LDLRAD3: variants seen among roughly 807,000 people sequenced by gnomAD.
LDLRAD3 encodes the protein low density lipoprotein receptor class A domain containing 3.
In LDLRAD3, 20 loss-of-function variants were observed where a neutral mutation model predicts 29.4. The observed-to-expected ratio is 0.68, with a 90% CI of 0.48 to 0.99. The LOEUF (loss-of-function observed/expected upper bound fraction) is 0.99, where lower values mean the gene tolerates loss of function less well. Among genes scored for constraint, LDLRAD3 ranks in the 50% least tolerant of loss-of-function variants. The pLI, the probability that LDLRAD3 is intolerant of heterozygous loss-of-function variation, is 0.00. For synonymous variants in LDLRAD3, 157 were observed against 192.7 expected, an observed-to-expected ratio of 0.81 and a Z score of 1.53; for missense variants, 420 against 454.3, an observed-to-expected ratio of 0.92 and a Z score of 0.69.
chr11:35,977,500 C>T (rs1324278625), intron 1 of LDLRAD3, among the ~76,000 whole-genome samples: 2 of 152,124 alleles, frequency 1.3e-5, no homozygotes, highest in African/African-American at 4.8e-5. Context: ...CAGAATTTTA[C>T]TTCTGAAAAC....
In LDLRAD3 at chr11:36,161,530, A is replaced by G. The variant is rs532824494; in HGVS notation, c.454+63069A>G. 3.9e-5 allele frequency among the ~76,000 whole-genome samples: 6 copies of G among 152,302 alleles called. No homozygotes were observed. The South Asian group carries it at 6.2e-4, about 16-fold the overall frequency. ...GTTTATAAATGTGGGGGAAACAGAT[A>G]AAAATCCCTACCCTTGTGGAGTCTA... On this transcript the variant is annotated intron_variant, in intron 4 of 5. Transcript: ENST00000315571.
At chr11:36,009,600 A>T (rs971118442) in intron 1 of LDLRAD3, among the ~76,000 whole-genome samples, 2 of 152,192 alleles carry the variant, frequency 1.3e-5, no homozygotes, top group Non-Finnish European at 2.9e-5. Flanking sequence ...TCCCACCTCC[A>T]CTATAATCAC....
At chr11:36,175,534 A>G (rs73437275) in intron 4 of LDLRAD3, among the ~76,000 whole-genome samples, 2,531 of 152,236 alleles carry the variant, frequency 0.017, 68 homozygotes, top group African/African-American at 0.055. Flanking sequence ...AGTTCAAGGA[A>G]TTTTAATTTC....
chr11:36,229,060 C>G (rs1855537347), intron 5 of LDLRAD3, 100 bp from the exon 6 acceptor site: 2 of 791,422 alleles, frequency 2.5e-6, no homozygotes, highest in South Asian at 3.2e-5. Flanking sequence ...ACTGGAAACA[C>G]TGTCTCAGAA....
intron 5 of LDLRAD3, among the ~76,000 whole-genome samples, chr11:36,228,694 G>A (rs1052436318): frequency 2.0e-5 from 3 of 152,194 alleles, no homozygotes; most frequent in Admixed American, 6.5e-5. Context: ...CCCTTCTGCC[G>A]ATACAGACCG....
intron 1 of LDLRAD3, among the ~76,000 whole-genome samples, chr11:35,956,267 G>A (rs918128831): frequency 1.8e-4 from 28 of 152,186 alleles, no homozygotes; most frequent in African/African-American, 9.6e-5. Flanking sequence ...CAGGAGGATC[G>A]CTTGAGGCCA....
intron 4 of LDLRAD3, among the ~76,000 whole-genome samples, chr11:36,123,884 C>T (rs1026975756): frequency 3.3e-5 from 5 of 152,218 alleles, no homozygotes; most frequent in African/African-American, 1.2e-4. Context: ...GAGTCTGCCT[C>T]CGCCTCATTA....
intron 1 of LDLRAD3, among the ~76,000 whole-genome samples, chr11:36,010,872 C>A (rs1028960358): frequency 6.6e-6 from 1 of 152,036 alleles, no homozygotes; most frequent in Non-Finnish European, 1.5e-5. Context: ...ATGGTGCGAT[C>A]TTGGCTCACT....
At chr11:35,945,335 G>A (rs1224571892) in intron 1 of LDLRAD3, among the ~76,000 whole-genome samples, 3 of 152,154 alleles carry the variant, frequency 2.0e-5, no homozygotes, top group Non-Finnish European at 2.9e-5. Flanking sequence ...GATGTCCCTG[G>A]TCCTGGGCAT....
chr11:35,955,112 G>T (rs1851185204), intron 1 of LDLRAD3, among the ~76,000 whole-genome samples: 1 of 152,048 alleles, frequency 6.6e-6, no homozygotes, highest in Non-Finnish European at 1.5e-5. Context: ...GGGCATGGTG[G>T]CACATGCCTG....
intron 1 of LDLRAD3, among the ~76,000 whole-genome samples, chr11:35,954,085 C>T (rs1565121023): frequency 6.6e-6 from 1 of 152,096 alleles, no homozygotes; most frequent in Non-Finnish European, 1.5e-5. Context: ...CTATGAAGGG[C>T]AGTGGTGACA....
chr11:36,121,847 C>T (rs1160828535), intron 4 of LDLRAD3, among the ~76,000 whole-genome samples: 1 of 152,220 alleles, frequency 6.6e-6, no homozygotes, highest in Admixed American at 6.5e-5. Context: ...ACAAATCCAG[C>T]ACCTCCCACC....
chr11:36,008,203 G>T (rs551387642), intron 1 of LDLRAD3, among the ~76,000 whole-genome samples: 2 of 152,272 alleles, frequency 1.3e-5, no homozygotes, highest in East Asian at 3.9e-4. Flanking sequence ...AACACTTGGG[G>T]ACGCAAACCA....
intron 1 of LDLRAD3, among the ~76,000 whole-genome samples, chr11:35,948,716 T>C (rs914602026): frequency 6.6e-5 from 10 of 151,902 alleles, no homozygotes; most frequent in African/African-American, 2.4e-4. Flanking sequence ...TGAGATAGGA[T>C]TCTTAGGGCT....
chr11:36,009,979 T>C (rs1245191480), intron 1 of LDLRAD3: 1 of 153,712 alleles, frequency 6.5e-6, no homozygotes, highest in Admixed American at 6.5e-5. Flanking sequence ...TGAAGGAAAC[T>C]GGTCAGAATT....
chr11:36,072,466 T>C (rs536923737), intron 2 of LDLRAD3, among the ~76,000 whole-genome samples: 59 of 152,272 alleles, frequency 3.9e-4, no homozygotes, highest in African/African-American at 1.2e-3. Flanking sequence ...ACAGGCATGA[T>C]GTCTGGGGAA....
intron 4 of LDLRAD3, among the ~76,000 whole-genome samples, chr11:36,170,817 T>G (rs1248372390): frequency 6.6e-6 from 1 of 151,920 alleles, no homozygotes; most frequent in Non-Finnish European, 1.5e-5. Context: ...TTTTTTTTTT[T>G]TTTGAGACGG....
chr11:36,124,464 T>C (rs1361680739), intron 4 of LDLRAD3, among the ~76,000 whole-genome samples: 1 of 152,162 alleles, frequency 6.6e-6, no homozygotes, highest in Non-Finnish European at 1.5e-5. Context: ...GATGAACTCA[T>C]TTGACAAAAG....
At position 36,121,097 on chromosome 11, in the gene LDLRAD3, C is replaced by T. The variant is rs1166238885; in HGVS notation, c.454+22636C>T. 3.9e-5 allele frequency among the ~76,000 whole-genome samples: 6 copies of T among 152,270 alleles called. No individual in the cohort carries two copies. In the South Asian group the frequency reaches 8.3e-4, roughly 21 times the overall value. On this transcript the variant is annotated intron_variant, in intron 4 of 5. Transcript: ENST00000315571. ...GCCTCTCTAGTTCACTATTCTGTCC[C>T]CGGTATCCAGGGCATCATAGACACT...
Sources: allele counts gnomAD v4.1 joint callset (sites outside exome capture counted in the v4.1 genomes callset), GRCh38; gene constraint gnomAD v4.1.1; transcripts MANE v1.5; gene names NCBI Gene and HGNC (gene_info 2026-07-23, HGNC 2026-07-21).